Variants in RPTOR observed in about 807,000 individuals in gnomAD.
The protein encoded by RPTOR is regulatory-associated protein of mTOR.
RPTOR carries 21 observed loss-of-function variants against 169.9 expected under a neutral mutation model. The observed-to-expected ratio is 0.12, with a 90% CI of 0.09 to 0.18. The LOEUF (loss-of-function observed/expected upper bound fraction) is 0.18. Ranked by LOEUF, RPTOR falls within the 10% of genes least tolerant of loss-of-function variation. The pLI, the probability that RPTOR is intolerant of heterozygous loss-of-function variation, is 1.00. For missense variants in RPTOR, 1,133 were observed against 1,855.9 expected (o/e 0.61, Z 7.16); for synonymous variants, 732 against 753.2 (o/e 0.97, Z 0.46).
At chr17:80,685,760 G>A (rs1342130050) in intron 3 of RPTOR, among the ~76,000 whole-genome samples, 1 of 149,410 alleles carries the variant, frequency 6.7e-6, no homozygotes, top group Non-Finnish European at 1.5e-5. Flanking sequence ...CCACATCGTG[G>A]GGTGCTTCCT....
intron 3 of RPTOR, among the ~76,000 whole-genome samples, chr17:80,674,878 T>A (rs191784673): frequency 2.1e-5 from 3 of 141,212 alleles, no homozygotes; most frequent in Admixed American, 7.3e-5. Context: ...TAAATGACAA[T>A]ACCACCCATC....
rs1307981792 is a variant in RPTOR, at chr17:80,878,011, ACTG to A, written c.1510-2401_1510-2399del. Among the ~76,000 whole-genome samples the A allele has an allele frequency of 6.6e-6, 1 of 152,160 alleles. No individual in the cohort carries two copies. Among genetic ancestry groups the A allele is most frequent in the Non-Finnish European group, 1.5e-5 (1 of 68,026 alleles). Reference sequence around the variant, plus strand: ...ATAACCAGCAGATTCCCTCTGCAAAACTGCTCCTGCCTCAGTGGGAAAGGGCCA... The same window carrying A: ...ATAACCAGCAGATTCCCTCTGCAAAACTCCTGCCTCAGTGGGAAAGGGCCA... On this transcript the variant is annotated intron_variant, in intron 13 of 33. Coordinates refer to ENST00000306801, the MANE Select transcript of RPTOR (RefSeq NM_020761.3). The surrounding 1 kb of genome is among the most constrained non-coding windows in gnomAD (Gnocchi z 4.1).
chr17:80,580,704 C>A (rs1303186719), intron 1 of RPTOR, among the ~76,000 whole-genome samples: 1 of 152,130 alleles, frequency 6.6e-6, no homozygotes, highest in African/African-American at 2.4e-5. Flanking sequence ...TTCGCTGTAG[C>A]CTCGAACTCC....
In RPTOR at chr17:80,546,668, G is replaced by A. The variant is rs562638294; in HGVS notation, c.162+877G>A. On this transcript the variant is annotated intron_variant, in intron 1 of 33. Coordinates refer to ENST00000306801, the MANE Select transcript of RPTOR (RefSeq NM_020761.3). Reference sequence around the variant, plus strand: ...ACATTTCAGTGGTATAAAAGAGGAAGTTGGTGTTACAATGTTTGATTTTCT... The same window carrying A: ...ACATTTCAGTGGTATAAAAGAGGAAATTGGTGTTACAATGTTTGATTTTCT... Among the ~76,000 whole-genome samples the A allele has an allele frequency of 2.6e-5, 4 of 152,328 alleles. No individual in the cohort carries two copies. The South Asian group carries it at 8.3e-4, about 32-fold the overall frequency.
chr17:80,760,852 G>A (rs2066730335), intron 6 of RPTOR, among the ~76,000 whole-genome samples: 1 of 152,170 alleles, frequency 6.6e-6, no homozygotes, highest in Non-Finnish European at 1.5e-5. Context: ...TGGCACAGCT[G>A]CTACAGAATG....
chr17:80,841,459 A>C (rs1316435473), intron 10 of RPTOR, among the ~76,000 whole-genome samples: 3 of 96,076 alleles, frequency 3.1e-5, no homozygotes, highest in African/African-American at 4.2e-5. Context: ...GCTCACTCTC[A>C]CCACACGGCA....
intron 4 of RPTOR, among the ~76,000 whole-genome samples, chr17:80,725,059 C>T (rs192516148): frequency 4.6e-5 from 7 of 152,308 alleles, no homozygotes; most frequent in Non-Finnish European, 5.9e-5. Context: ...AGGGATAAAA[C>T]GCTCACATTT....
chr17:80,608,411 G>A (rs1402976073), intron 1 of RPTOR, among the ~76,000 whole-genome samples: 3 of 152,238 alleles, frequency 2.0e-5, no homozygotes, highest in East Asian at 3.9e-4. Flanking sequence ...TGGAGTTGCC[G>A]TCTTTACAGC....
In RPTOR at chr17:80,857,749, T is replaced by C. The variant is rs2672892; in HGVS notation, c.1399-41T>C. ...GCACCCCTGCTGCTGCCCGTTCCCT[T>C]GCTGCGGCACAGGTGCGCTGACGCC... On this transcript the variant is annotated intron_variant, in intron 12 of 33. Coordinates refer to ENST00000306801, the MANE Select transcript of RPTOR (RefSeq NM_020761.3). 10,032 of 1,483,190 alleles carry C rather than the reference T, an allele frequency of 6.8e-3. 625 individuals carry two copies. The African/African-American group carries it at 0.13, about 19-fold the overall frequency. The allele number at this position is 1,483,190 out of a possible 1,614,324, so 91.9% of individuals were successfully genotyped here.
intron 27 of RPTOR, chr17:80,948,523 CT>C (rs1267880660): frequency 6.6e-6 from 1 of 152,484 alleles, no homozygotes. Flanking sequence ...AGGGCAGTTC[CT>C]TGGCTGAGAG....
At chr17:80,711,440 T>C (rs1326717962) in intron 4 of RPTOR, among the ~76,000 whole-genome samples, 1 of 152,220 alleles carries the variant, frequency 6.6e-6, no homozygotes, top group Non-Finnish European at 1.5e-5. Flanking sequence ...TGGCTTTCTG[T>C]ATCACCACAT....
At chr17:80,676,561 T>A (rs2065862640) in intron 3 of RPTOR, among the ~76,000 whole-genome samples, 1 of 152,200 alleles carries the variant, frequency 6.6e-6, no homozygotes. Context: ...GTGCCCTGTC[T>A]CCGCAGTGAG....
At chr17:80,643,700 A>G in intron 2 of RPTOR, 28 bp from the exon 3 acceptor site, 1 of 1,578,364 alleles carries the variant, frequency 6.3e-7, no homozygotes, top group South Asian at 1.1e-5. Context: ...AGACGTAAAG[A>G]ACTTTCTCTT....
chr17:80,604,173 A>G (rs2065211798), intron 1 of RPTOR, among the ~76,000 whole-genome samples: 1 of 152,222 alleles, frequency 6.6e-6, no homozygotes, highest in Admixed American at 6.5e-5. Flanking sequence ...TCAATCAGCT[A>G]TTTTCAACCA....
At chr17:80,961,833 A>G (rs2069346785) in intron 31 of RPTOR, 1 of 270,136 alleles carries the variant, frequency 3.7e-6, no homozygotes, top group Non-Finnish European at 7.0e-6. Context: ...GTCTGCACAT[A>G]AATTCAGTTC....
In RPTOR at chr17:80,602,331, G is replaced by T. The variant is rs1172187067; in HGVS notation, c.163-23360G>T. Among the ~76,000 whole-genome samples the T allele has an allele frequency of 4.0e-5, 3 of 74,828 alleles. 1 individual carries two copies. The South Asian group carries it at 1.1e-3, about 27-fold the overall frequency. 49.1% of individuals were successfully genotyped at this position (74,828 alleles called of 152,430 possible). Reference sequence around the variant, plus strand: ...CCAGTAGGGGCGGCCGGGCAGAGGCGCCCCTCACCTCCCGGACGGGGCGGC... The same window carrying T: ...CCAGTAGGGGCGGCCGGGCAGAGGCTCCCCTCACCTCCCGGACGGGGCGGC... On this transcript the variant is annotated intron_variant, in intron 1 of 33. Coordinates refer to ENST00000306801, the MANE Select transcript of RPTOR (RefSeq NM_020761.3).
At chr17:80,951,140 G>A (rs1210086909) in intron 28 of RPTOR, among the ~76,000 whole-genome samples, 1 of 151,146 alleles carries the variant, frequency 6.6e-6, no homozygotes, top group East Asian at 1.9e-4. Flanking sequence ...GTCCACACCC[G>A]GCTGGCCCCA....
chr17:80,909,070 G>A (rs1046463485), intron 21 of RPTOR, 141 bp downstream of exon 21: 2 of 688,084 alleles, frequency 2.9e-6, no homozygotes, highest in Admixed American at 2.1e-5. Context: ...TCTTAAATCT[G>A]GAGATGTACA....
rs2143823187 is a variant in RPTOR at position 80,878,399 on chromosome 17, T to G, written c.1510-2016T>G. Among the ~76,000 whole-genome samples the G allele has an allele frequency of 6.6e-6, 1 of 152,198 alleles. No homozygotes were observed. Among genetic ancestry groups the G allele is most frequent in the South Asian group, 2.1e-4 (1 of 4,822 alleles). Reference sequence around the variant, plus strand: ...TCTTGCTCTGTCGCCCAGGCTGGAATGCAGTGGTGCGATCTCAGCTCACTA... The same window carrying G: ...TCTTGCTCTGTCGCCCAGGCTGGAAGGCAGTGGTGCGATCTCAGCTCACTA... On this transcript the variant is annotated intron_variant, in intron 13 of 33. Transcript: ENST00000306801. This position sits in a 1 kb window ranked among gnomAD's most constrained non-coding sequence, Gnocchi z 4.1.
Sources: gnomAD v4.1 joint callset for allele counts (sites outside exome capture counted in the v4.1 genomes callset) on GRCh38, gnomAD v4.1.1 for gene constraint, Gnocchi (gnomAD v3.1) non-coding constraint, MANE v1.5 for transcripts, NCBI Gene and HGNC (gene_info 2026-07-23, HGNC 2026-07-21) for gene names.